Variants in RABGGTB observed in about 807,000 individuals in gnomAD.
RABGGTB encodes Rab geranylgeranyltransferase subunit beta.
A neutral mutation model predicts 44.5 loss-of-function variants in RABGGTB; 20 were observed. That is an observed-to-expected ratio of 0.45 (90% CI 0.32 to 0.65). The LOEUF (loss-of-function observed/expected upper bound fraction) is 0.65. RABGGTB is among the 30% of genes least tolerant of loss of function. The probability of loss-of-function intolerance (pLI) is 0.05; values close to 1 mark genes in which losing one functional copy is unlikely to be tolerated. For synonymous variants in RABGGTB, 128 were observed against 136.7 expected, an observed-to-expected ratio of 0.94 and a Z score of 0.44; for missense variants, 302 against 398.7, an observed-to-expected ratio of 0.76 and a Z score of 2.06.
In RABGGTB at chr1:75,794,066, A is replaced by C. The variant is rs770341734; in HGVS notation, c.706-18A>C. On this transcript the variant is annotated intron_variant, in intron 7 of 8. Coordinates refer to ENST00000319942, the MANE Select transcript of RABGGTB (RefSeq NM_004582.4). ...AAATAAAAGAGAATGAAATTGTGGC[A>C]ACTTTTTTCCCTCCTAGTTACCAGA... The C allele has an allele frequency of 5.8e-6, 9 of 1,547,614 alleles. No individual in the cohort carries two copies.
At chr1:75,787,186 A>G (rs1386837883) in intron 1 of RABGGTB, 1 of 594,616 alleles carries the variant, frequency 1.7e-6, no homozygotes. Context: ...CGAAGCCTGA[A>G]TGATTTAAGT....
rs1342681520 is a variant in RABGGTB at position 75,793,945 on chromosome 1, C to G, written c.706-139C>G. The G allele has an allele frequency of 5.8e-6, 5 of 862,682 alleles. No individual in the cohort carries two copies. The Admixed American group carries it at 7.2e-5, about 12-fold the overall frequency. The allele number at this position is 862,682 out of a possible 1,614,324, so 53.4% of individuals were successfully genotyped here. On this transcript the variant is annotated intron_variant, in intron 7 of 8. Transcript: ENST00000319942. The stretch of plus-strand genomic sequence containing the variant: ...TTCATACCCTGCATATCAGTATATC[C>G]CTGGATTTCGTCCTTCCACATGGTT...
Position 75,794,123 on chromosome 1 carries a change from C to CT in RABGGTB, c.746dup (p.Ile251AspfsTer9). The CT allele has an allele frequency of 6.2e-7, 1 of 1,613,636 alleles. No individual in the cohort carries two copies. The highest frequency in any genetic ancestry group is 8.5e-7 in the Non-Finnish European group (1 of 1,179,718). On this transcript the variant is annotated frameshift_variant, in exon 8 of 9. Transcript: ENST00000319942. LOFTEE classifies it high-confidence loss of function. The stretch of plus-strand genomic sequence containing the variant: ...CTACTCATGGTGGGTCCTGGCTTCC[C>CT]TAAAGATAATTGGAAGACTTCATTG...
At chr1:75,790,522 GT>G in intron 4 of RABGGTB, 1 of 990,932 alleles carries the variant, frequency 1.0e-6, no homozygotes, top group Non-Finnish European at 1.2e-6. Flanking sequence ...AGTAGGGTAA[GT>G]TTATTTCATT....
At chr1:75,794,461 TAAA>T (rs781174753) in intron 8 of RABGGTB, 46 bp from the exon 9 acceptor site, 1 of 1,548,304 alleles carries the variant, frequency 6.5e-7, no homozygotes, top group Admixed American at 1.8e-5. Flanking sequence ...AATTTGAAGT[TAAA>T]GAAGTTTTCA....
chr1:75,794,615 CAG>C lies in RABGGTB; in HGVS notation c.966_967del (p.Arg322SerfsTer6), dbSNP rs1649724494. ...PVFCMPEEVL[Q>X]RVNVQPELVS ...CTTTTGCATGCCTGAAGAAGTGCTT[CAG>C]AGAGTGAATGTTCAGCCTGAGCTAG... On this transcript the variant is annotated frameshift_variant, in exon 9 of 9. Transcript: ENST00000319942. LOFTEE classifies it high-confidence loss of function. 3 of 1,612,362 alleles carry C rather than the reference CAG, an allele frequency of 1.9e-6. No homozygotes were observed. Among genetic ancestry groups the C allele is most frequent in the Non-Finnish European group, 2.5e-6 (3 of 1,178,998 alleles).
At chr1:75,793,888 T>C in intron 7 of RABGGTB, 196 bp from the exon 8 acceptor site, 1 of 511,744 alleles carries the variant, frequency 2.0e-6, no homozygotes, top group Non-Finnish European at 3.3e-6. Context: ...TTCTTACCCA[T>C]TAATTGATTA....
In RABGGTB at chr1:75,791,529, T is replaced by G. The variant is rs1481547442; in HGVS notation, c.537T>G (p.Gly179=). The G allele has an allele frequency of 6.2e-7, 1 of 1,613,090 alleles. No homozygotes were observed. The highest frequency in any genetic ancestry group is 8.5e-7 in the Non-Finnish European group (1 of 1,179,982). Residue 179 remains glycine (G), a synonymous_variant, in exon 6 of 9, where the codon GGT becomes GGG. Transcript: ENST00000319942. ...TTTTATCCTGTATGAACTTTGACGG[T>G]GGATTTGGTTGCAGACCAGGTTCTG... ...EFVLSCMNFD[G]GFGCRPGSES... is the part of the protein sequence containing the mutation.
At position 75,789,106 on chromosome 1, in the gene RABGGTB, A is replaced by G. The variant is rs905687303; in HGVS notation, c.112-53A>G. 2.2e-5 allele frequency: 34 copies of G among 1,527,590 alleles called. No individual in the cohort carries two copies. The Admixed American group carries it at 3.2e-4, about 14-fold the overall frequency. 94.6% of individuals were successfully genotyped at this position (1,527,590 alleles called of 1,614,324 possible). On this transcript the variant is annotated intron_variant, in intron 2 of 8. Coordinates refer to ENST00000319942, the MANE Select transcript of RABGGTB (RefSeq NM_004582.4). ...AGTTACCTTTGTGTTTAATCTCTTT[A>G]TAACTTGTTACCAGTTCAAATGACA...
Position 75,787,567 on chromosome 1 carries a change from AT to A in RABGGTB, c.76del (p.Tyr26IlefsTer20). 6.2e-7 allele frequency: 1 copy of A among 1,613,512 alleles called. No homozygotes were observed. The highest frequency in any genetic ancestry group is 8.5e-7 in the Non-Finnish European group (1 of 1,179,400). On this transcript the variant is annotated frameshift_variant, in exon 2 of 9. Coordinates refer to ENST00000319942, the MANE Select transcript of RABGGTB (RefSeq NM_004582.4). LOFTEE classifies it high-confidence loss of function. ...PDTLLLEKHA[D>X]YIASYGSKKD... ...ACTTTGTTATTGGAGAAACATGCAG[AT>A]TATATCGCATCCTATGGCTCAAAGA...
intron 2 of RABGGTB, chr1:75,788,754 CTAATAGA>C (rs1167774683): frequency 5.9e-6 from 1 of 168,228 alleles, no homozygotes; most frequent in African/African-American, 2.4e-5. Context: ...ATATAATTTA[CTAATAGA>C]TAATAGGTTT....
intron 2 of RABGGTB, chr1:75,788,619 G>C (rs1022837011): frequency 6.4e-6 from 1 of 156,634 alleles, no homozygotes; most frequent in African/African-American, 2.4e-5. Context: ...ATGCATTGTT[G>C]AGTGTGGGAA....
intron 4 of RABGGTB, chr1:75,790,336 C>T (rs1197425031): frequency 8.2e-7 from 1 of 1,212,246 alleles, no homozygotes; most frequent in Admixed American, 4.5e-5. Context: ...AAACTACTTG[C>T]TGGAAAGGGA....
In RABGGTB at chr1:75,794,526, C is replaced by G; in HGVS notation, c.872C>G (p.Thr291Ser). ...TTTAAATAGGTGGATCCTTTTCATA[C>G]CTTATTTGGAATTGCTGGATTGTCA... Reference protein sequence around the residue: ...RPGDMVDPFHTLFGIAGLSLL... With the variant: ...RPGDMVDPFHSLFGIAGLSLL... The change falls in exon 9 of 9, where the codon ACC (threonine) becomes AGC (serine). Residue 291 changes from threonine to serine, a missense_variant. Transcript: ENST00000319942. The G allele has an allele frequency of 6.2e-7, 1 of 1,610,432 alleles. No individual in the cohort carries two copies. Among genetic ancestry groups the G allele is most frequent in the East Asian group, 2.2e-5 (1 of 44,800 alleles).
At chr1:75,793,954 C>T (rs1054563978) in intron 7 of RABGGTB, 130 bp from the exon 8 acceptor site, 18 of 899,084 alleles carry the variant, frequency 2.0e-5, no homozygotes, top group South Asian at 6.9e-5. Flanking sequence ...CCCTGGATTT[C>T]GTCCTTCCAC....
chr1:75,790,312 G>T, intron 4 of RABGGTB: 1 of 1,229,656 alleles, frequency 8.1e-7, no homozygotes, highest in South Asian at 4.2e-5. Context: ...TGGTGGCTTT[G>T]TAAAGTTTTT....
chr1:75,789,943 T>G lies in RABGGTB; in HGVS notation c.310-9T>G. 1 of 1,581,696 alleles carries G rather than the reference T, an allele frequency of 6.3e-7. No homozygotes were observed. The highest frequency in any genetic ancestry group is 1.1e-5 in the South Asian group (1 of 89,836). ...AGGGACATTTACCTAATACTTGTCT[T>G]TATTGCAGATTCTTACGCTGTATGA... On this transcript the variant is annotated splice_polypyrimidine_tract_variant and intron_variant, in intron 3 of 8. Transcript: ENST00000319942.
At position 75,794,729 on chromosome 1, in the gene RABGGTB, A is replaced by T. The variant is rs1348159638; in HGVS notation, c.*79A>T. The T allele has an allele frequency of 8.5e-7, 1 of 1,178,168 alleles. No individual in the cohort carries two copies. Among genetic ancestry groups the T allele is most frequent in the East Asian group, 2.7e-5 (1 of 37,568 alleles). 73.0% of individuals were successfully genotyped at this position (1,178,168 alleles called of 1,614,324 possible). ...ATTTGAAGTGCTTATCGAATCTAAA[A>T]GTGACTACTGTTAATATTTTGTATA... On this transcript the variant is annotated 3_prime_UTR_variant, in exon 9 of 9. Coordinates refer to ENST00000319942, the MANE Select transcript of RABGGTB (RefSeq NM_004582.4).
intron 2 of RABGGTB, 102 bp from the exon 3 acceptor site, chr1:75,789,057 G>A (rs1022107714): frequency 3.5e-5 from 38 of 1,074,052 alleles, no homozygotes; most frequent in Non-Finnish European, 4.7e-5. Context: ...GTCAGGAGAG[G>A]TAAAAATAGC....
Sources: gnomAD v4.1 joint callset for allele counts on GRCh38, gnomAD v4.1.1 for gene constraint, MANE v1.5 for transcripts, NCBI Gene and HGNC (gene_info 2026-07-23, HGNC 2026-07-21) for gene names.